NUCB2: variants seen among roughly 807,000 people sequenced by gnomAD.
The protein encoded by NUCB2 is nucleobindin 2.
In NUCB2, 48 loss-of-function variants were observed where a neutral mutation model predicts 57.9. The ratio of observed to expected loss-of-function variants is 0.83; its 90% CI spans 0.66 to 1.05. The LOEUF (loss-of-function observed/expected upper bound fraction) is 1.05, where lower values mean the gene tolerates loss of function less well. NUCB2 is among the 50% of genes least tolerant of loss of function. The probability of loss-of-function intolerance (pLI) is 0.00; values close to 1 mark genes in which losing one functional copy is unlikely to be tolerated. For missense variants in NUCB2, 442 were observed against 476.2 expected (o/e 0.93, Z 0.67); for synonymous variants, 139 against 152.1 (o/e 0.91, Z 0.64).
At chr11:17,305,425 T>C (rs1947467830) in intron 5 of NUCB2, among the ~76,000 whole-genome samples, 1 of 152,172 alleles carries the variant, frequency 6.6e-6, no homozygotes, top group Non-Finnish European at 1.5e-5. Flanking sequence ...TTAATATCTA[T>C]TAAATCTTTA....
intron 11 of NUCB2, among the ~76,000 whole-genome samples, chr11:17,325,510 G>A (rs974372662): frequency 4.9e-4 from 75 of 152,002 alleles, no homozygotes; most frequent in African/African-American, 1.7e-3. Context: ...CTCTTTTTTG[G>A]TTTCCATTGG....
intron 2 of NUCB2, among the ~76,000 whole-genome samples, chr11:17,291,974 A>G (rs214105): frequency 0.22 from 33,603 of 152,056 alleles, 4,633 homozygotes; most frequent in East Asian, 0.34. Flanking sequence ...TACAAGTCAT[A>G]TAACTTAATC....
At chr11:17,317,562 T>C in intron 11 of NUCB2, 1 of 432,904 alleles carries the variant, frequency 2.3e-6, no homozygotes, top group South Asian at 1.6e-5. Context: ...ATACATTGAA[T>C]TCAGTTGTAA....
In NUCB2 at chr11:17,348,319, GTTT is replaced by G. The variant is rs55741571; in HGVS notation, n.2627-996_2627-994del. ...TGAGGTGTTTTTTGTTTGTTTTTGT[GTTT>G]TTTTTTTTTTTTTTTTTTTTTTTTT... On this transcript the variant is annotated intron_variant and non_coding_transcript_variant, in intron 2 of 2. Transcript: ENST00000532240. Among the ~76,000 whole-genome samples, 136 of 84,458 alleles carry G rather than the reference GTTT, an allele frequency of 1.6e-3. 4 individuals are homozygous for G. Among genetic ancestry groups the G allele is most frequent in the African/African-American group, 4.2e-3 (85 of 20,068 alleles). The allele number at this position is 84,458 out of a possible 152,430, so 55.4% of individuals were successfully genotyped here. A position where few individuals can be genotyped will look rare whatever the true frequency, so the allele number is the denominator to read the frequency against.
chr11:17,344,928 A>C (rs1382165040), intron 2 of NUCB2, among the ~76,000 whole-genome samples: 1 of 152,210 alleles, frequency 6.6e-6, no homozygotes, highest in African/African-American at 2.4e-5. Context: ...TGGAAGATGG[A>C]TCCCCCTTTC....
chr11:17,288,878 TATATACAC>T (rs1278757284), intron 2 of NUCB2, among the ~76,000 whole-genome samples: 15 of 50,926 alleles, frequency 2.9e-4, no homozygotes, highest in East Asian at 1.3e-3. Context: ...TAATAACATG[TATATACAC>T]ACACACACAC....
intron 4 of NUCB2, among the ~76,000 whole-genome samples, chr11:17,298,486 C>T (rs1469574586): frequency 1.3e-5 from 2 of 151,374 alleles, no homozygotes; most frequent in South Asian, 2.1e-4. Flanking sequence ...GAGGATCACT[C>T]GAGCCCAGGA....
intron 1 of NUCB2, among the ~76,000 whole-genome samples, chr11:17,281,900 C>T (rs899101118): frequency 4.0e-5 from 6 of 151,110 alleles, no homozygotes; most frequent in Non-Finnish European, 5.9e-5. Context: ...CTTATGTTTA[C>T]TAATGAGTTT....
At chr11:17,308,520 A>G (rs1328959708) in intron 5 of NUCB2, among the ~76,000 whole-genome samples, 2 of 152,148 alleles carry the variant, frequency 1.3e-5, no homozygotes, top group African/African-American at 4.8e-5. Flanking sequence ...CCATATTTGT[A>G]TATTCCTTCT....
intron 11 of NUCB2, among the ~76,000 whole-genome samples, chr11:17,318,383 A>G (rs921688344): frequency 1.8e-4 from 27 of 152,168 alleles, no homozygotes; most frequent in African/African-American, 6.3e-4. Context: ...TAATATTTGT[A>G]AGCCTTATTT....
chr11:17,326,311 G>GTTTTTTT (rs60955119), intron 11 of NUCB2, among the ~76,000 whole-genome samples: 28 of 71,282 alleles, frequency 3.9e-4, no homozygotes, highest in East Asian at 5.0e-4. Flanking sequence ...CATTGTTACC[G>GTTTTTTT]TTTTTTTTTT....
At chr11:17,338,924 A>G (rs1053766511) in intron 2 of NUCB2, among the ~76,000 whole-genome samples, 1 of 152,188 alleles carries the variant, frequency 6.6e-6, no homozygotes, top group African/African-American at 2.4e-5. Flanking sequence ...TCGGCCTCCC[A>G]AAGTGTTGGG....
At chr11:17,286,921 A>AT (rs892336524) in intron 2 of NUCB2, among the ~76,000 whole-genome samples, 136 of 149,920 alleles carry the variant, frequency 9.1e-4, no homozygotes, top group African/African-American at 2.7e-3. Context: ...AATACTTACC[A>AT]TTTTTTTTTT....
intron 11 of NUCB2, among the ~76,000 whole-genome samples, chr11:17,319,029 A>G: frequency 6.6e-6 from 1 of 152,270 alleles, no homozygotes; most frequent in Admixed American, 6.5e-5. Context: ...AAATTTTTTT[A>G]AAATACTTTG....
At chr11:17,284,570 C>T (rs1397028079) in intron 2 of NUCB2, among the ~76,000 whole-genome samples, 3 of 152,106 alleles carry the variant, frequency 2.0e-5, no homozygotes, top group Admixed American at 2.0e-4. Flanking sequence ...AAAGTTTTTA[C>T]ATTTTTTGGT....
intron 2 of NUCB2, among the ~76,000 whole-genome samples, chr11:17,340,699 A>T (rs1392854534): frequency 6.6e-6 from 1 of 151,996 alleles, no homozygotes; most frequent in Non-Finnish European, 1.5e-5. Context: ...GTTCTTTTCC[A>T]TTGGTCTATA....
chr11:17,285,392 G>A (rs1404685114), intron 2 of NUCB2, among the ~76,000 whole-genome samples: 1 of 152,116 alleles, frequency 6.6e-6, no homozygotes, highest in Admixed American at 6.6e-5. Flanking sequence ...GGACAACATG[G>A]TGAAACCCTG....
chr11:17,316,028 A>G (rs929557771), intron 11 of NUCB2, among the ~76,000 whole-genome samples: 3 of 152,044 alleles, frequency 2.0e-5, no homozygotes, highest in Non-Finnish European at 4.4e-5. Flanking sequence ...GCTGGAGTGC[A>G]GTAGCGCGAC....
At chr11:17,314,908 A>G (rs1268332750) in intron 10 of NUCB2, among the ~76,000 whole-genome samples, 2 of 152,226 alleles carry the variant, frequency 1.3e-5, no homozygotes, top group Non-Finnish European at 2.9e-5. Context: ...AGAGGTTGTC[A>G]GCTTTAGTTT....
Sources: gnomAD v4.1 joint callset for allele counts (sites outside exome capture counted in the v4.1 genomes callset) on GRCh38, gnomAD v4.1.1 for gene constraint, MANE v1.5 for transcripts, NCBI Gene and HGNC (gene_info 2026-07-23, HGNC 2026-07-21) for gene names.